IL10RB: variants seen among roughly 807,000 people sequenced by gnomAD.
The protein encoded by IL10RB is interleukin-10 receptor subunit beta.
Under a neutral mutation model 38.7 loss-of-function variants are expected in IL10RB, and 30 were observed. That is an observed-to-expected ratio of 0.78 (90% CI 0.58 to 1.05). The LOEUF (loss-of-function observed/expected upper bound fraction) is 1.05, where lower values mean the gene tolerates loss of function less well. Ranked by LOEUF, IL10RB falls within the 50% of genes least tolerant of loss-of-function variation. The probability of loss-of-function intolerance (pLI) is 0.00; values close to 1 mark genes in which losing one functional copy is unlikely to be tolerated. For synonymous variants in IL10RB, 142 were observed against 145.9 expected, an observed-to-expected ratio of 0.97 and a Z score of 0.19; for missense variants, 328 against 397.1, an observed-to-expected ratio of 0.83 and a Z score of 1.48.
intron 5 of IL10RB, among the ~76,000 whole-genome samples, chr21:33,286,640 C>T (rs1422027672): frequency 2.0e-5 from 3 of 151,950 alleles, no homozygotes; most frequent in Admixed American, 6.6e-5. Context: ...CGCTTGAACC[C>T]AGGAGTTCGA....
At chr21:33,266,712 C>T (rs1988955653) in intron 1 of IL10RB, among the ~76,000 whole-genome samples, 198 bp downstream of exon 1, 1 of 152,206 alleles carries the variant, frequency 6.6e-6, no homozygotes, top group African/African-American at 2.4e-5. Context: ...GGAGAAAGCC[C>T]CATCCGCGCC....
chr21:33,283,967 G>A (rs1009155901), intron 5 of IL10RB, among the ~76,000 whole-genome samples: 1 of 152,214 alleles, frequency 6.6e-6, no homozygotes, highest in Admixed American at 6.5e-5. Flanking sequence ...ATGGAAGGAT[G>A]AAACATGGCA....
At chr21:33,291,890 G>T (rs779811633) in intron 6 of IL10RB, among the ~76,000 whole-genome samples, 1 of 152,132 alleles carries the variant, frequency 6.6e-6, no homozygotes, top group Non-Finnish European at 1.5e-5. Flanking sequence ...GGGAGTGGGA[G>T]CCCCTTCTTT....
At position 33,293,220 on chromosome 21, in the gene IL10RB, T is replaced by C. The variant is rs529769656; in HGVS notation, c.805-2964T>C. On this transcript the variant is annotated intron_variant, in intron 6 of 6. Transcript: ENST00000290200. The stretch of plus-strand genomic sequence containing the variant: ...ATGCCTTGCCACTTCTTGGCGTGTC[T>C]GGTCCTATTAATGTATTGTTGTGAT... Among the ~76,000 whole-genome samples the C allele has an allele frequency of 5.9e-5, 9 of 152,352 alleles. No individual in the cohort carries two copies. The East Asian group carries it at 1.7e-3, about 29-fold the overall frequency.
intron 4 of IL10RB, among the ~76,000 whole-genome samples, chr21:33,282,221 C>T (rs563591238): frequency 1.3e-5 from 2 of 152,162 alleles, no homozygotes; most frequent in Admixed American, 6.5e-5. Flanking sequence ...TGTCAACGAC[C>T]CCAACCCCAA....
Position 33,287,986 on chromosome 21 carries a change from C to T in IL10RB, c.647-118C>T, listed in dbSNP as rs956665179. On this transcript the variant is annotated intron_variant, in intron 5 of 6. Coordinates refer to ENST00000290200, the MANE Select transcript of IL10RB (RefSeq NM_000628.5). ...CTCCAACCAGTTGCTGTTTCTGAGA[C>T]GTCCCCCAAGATAAACGTACAGGCT... The T allele has an allele frequency of 1.3e-5, 13 of 977,320 alleles. No individual in the cohort carries two copies. In the Admixed American group the frequency reaches 1.5e-4, roughly 11 times the overall value. The allele number at this position is 977,320 out of a possible 1,614,324, so 60.5% of individuals were successfully genotyped here. A position where few individuals can be genotyped will look rare whatever the true frequency, so the allele number is the denominator to read the frequency against.
intron 2 of IL10RB, among the ~76,000 whole-genome samples, chr21:33,271,540 C>T (rs1193442784): frequency 6.6e-6 from 1 of 151,826 alleles, no homozygotes; most frequent in Non-Finnish European, 1.5e-5. Flanking sequence ...ACCAGCCTTA[C>T]CAACATGGCA....
chr21:33,295,671 CAAAA>C (rs549680649), intron 6 of IL10RB, among the ~76,000 whole-genome samples: 2 of 109,582 alleles, frequency 1.8e-5, no homozygotes, highest in African/African-American at 3.6e-5. Flanking sequence ...GACTCCATCT[CAAAA>C]AAAAAAAAAA....
intron 6 of IL10RB, chr21:33,293,974 T>C (rs756115445): frequency 8.9e-5 from 42 of 470,984 alleles, no homozygotes; most frequent in Non-Finnish European, 1.8e-4. Context: ...GAAACAAAAT[T>C]ATTCACCTGC....
chr21:33,294,313 T>C (rs1989547618), intron 6 of IL10RB, among the ~76,000 whole-genome samples: 1 of 151,858 alleles, frequency 6.6e-6, no homozygotes, highest in African/African-American at 2.4e-5. Context: ...AGACTTTGAG[T>C]TAAAAAAGCA....
chr21:33,276,449 GAGA>G (rs1989172113), intron 2 of IL10RB, 144 bp from the exon 3 acceptor site: 1 of 688,820 alleles, frequency 1.5e-6, no homozygotes. Context: ...TCAAGTCTCT[GAGA>G]AGTTCTGTTT....
At chr21:33,301,631 C>T (rs1022840978), downstream of IL10RB, among the ~76,000 whole-genome samples, 3 of 152,224 alleles carry the variant, frequency 2.0e-5, no homozygotes, top group African/African-American at 7.2e-5. Context: ...GCACACCTGC[C>T]CTATGGAGCT....
In IL10RB at chr21:33,268,435, T is replaced by A. The variant is rs1989013997; in HGVS notation, c.91T>A (p.Ser31Thr). 1.1e-5 allele frequency: 18 copies of A among 1,614,126 alleles called. No individual in the cohort carries two copies. The highest frequency in any genetic ancestry group is 1.4e-5 in the Non-Finnish European group (17 of 1,179,928). The change falls in exon 2 of 7, where the codon TCT (serine) becomes ACT (threonine). Residue 31 changes from serine (S) to threonine (T), a missense_variant. Ser to Thr is a moderately conservative substitution (Grantham distance 58). Transcript: ENST00000290200. ...VPPPENVRMN[S>T]VNFKNILQWE... is the part of the protein sequence containing the mutation. ...ACCTCCCGAAAATGTCAGAATGAAT[T>A]CTGTTAATTTCAAGAACATTCTACA...
At chr21:33,276,528 G>A (rs1415191569) in intron 2 of IL10RB, 68 bp from the exon 3 acceptor site, 2 of 1,286,470 alleles carry the variant, frequency 1.6e-6, no homozygotes, top group African/African-American at 2.9e-5. Context: ...TCCAAATTAA[G>A]TACCAGTCAG....
chr21:33,278,466 G>A (rs1989219756), intron 3 of IL10RB, among the ~76,000 whole-genome samples: 1 of 152,220 alleles, frequency 6.6e-6, no homozygotes, highest in African/African-American at 2.4e-5. Context: ...AGAAAAGTAA[G>A]TTTCACAATA....
intron 1 of IL10RB, among the ~76,000 whole-genome samples, chr21:33,304,755 C>G (rs1466731099): frequency 1.4e-4 from 21 of 152,202 alleles, no homozygotes; most frequent in Non-Finnish European, 2.6e-4. Context: ...TTTCAGTTGA[C>G]TGAATTGATC....
intron 1 of IL10RB, among the ~76,000 whole-genome samples, chr21:33,304,483 T>TC (rs920921757): frequency 1.3e-5 from 2 of 152,216 alleles, no homozygotes; most frequent in African/African-American, 2.4e-5. Flanking sequence ...TTACACACCG[T>TC]CCCTCAAGGT....
At chr21:33,305,783 A>T (rs1285355810) in intron 1 of IL10RB, among the ~76,000 whole-genome samples, 1 of 152,054 alleles carries the variant, frequency 6.6e-6, no homozygotes, top group African/African-American at 2.4e-5. Context: ...CACTGGTGGA[A>T]CCCACCCAAA....
At chr21:33,301,578 C>G (rs1176452680), downstream of IL10RB, among the ~76,000 whole-genome samples, 1 of 152,222 alleles carries the variant, frequency 6.6e-6, no homozygotes, top group Non-Finnish European at 1.5e-5. Flanking sequence ...TTGGCCTCTG[C>G]CTGGGGCCTG....
Sources: gnomAD v4.1 joint callset for allele counts (sites outside exome capture counted in the v4.1 genomes callset) on GRCh38, gnomAD v4.1.1 for gene constraint, MANE v1.5 for transcripts, NCBI Gene and HGNC (gene_info 2026-07-23, HGNC 2026-07-21) for gene names.